The following NFKB1 variants were observed in gnomAD, a reference collection of about 807,000 sequenced individuals.
NFKB1 encodes nuclear factor kappa B subunit 1, also known as nuclear factor NF-kappa-B p105 subunit.
A neutral mutation model predicts 105.1 loss-of-function variants in NFKB1; 9 were observed. That is an observed-to-expected ratio of 0.09 (90% confidence interval 0.05 to 0.15). The LOEUF (loss-of-function observed/expected upper bound fraction) is 0.15, where lower values mean the gene tolerates loss of function less well. NFKB1 is among the 10% of genes least tolerant of loss of function. The pLI, the probability that NFKB1 is intolerant of heterozygous loss-of-function variation, is 1.00. For missense variants in NFKB1, 830 were observed against 1,203.7 expected, an observed-to-expected ratio of 0.69 and a Z score of 4.59; for synonymous variants, 440 against 442.2, an observed-to-expected ratio of 1.00 and a Z score of 0.06.
intron 5 of NFKB1, among the ~76,000 whole-genome samples, chr4:102,552,785 G>T (rs761978788): frequency 1.1e-4 from 17 of 151,994 alleles, no homozygotes; most frequent in Non-Finnish European, 5.9e-5. Flanking sequence ...TTTTTTTGCA[G>T]GTTTAAAGTA....
intron 1 of NFKB1, among the ~76,000 whole-genome samples, chr4:102,516,682 A>G (rs1325372860): frequency 6.6e-6 from 1 of 151,324 alleles, no homozygotes; most frequent in Non-Finnish European, 1.5e-5. Context: ...GCTATTAGCT[A>G]TTTTTGTCAT....
At chr4:102,502,353 C>T (rs1269400605) in intron 1 of NFKB1, among the ~76,000 whole-genome samples, 4 of 150,182 alleles carry the variant, frequency 2.7e-5, no homozygotes, top group Non-Finnish European at 5.9e-5. Context: ...GTCTCTCTCT[C>T]TCTCCCCCCT....
Position 102,564,495 on chromosome 4 carries a change from A to G in NFKB1, c.259-2492A>G, listed in dbSNP as rs1395160387. Among the ~76,000 whole-genome samples the G allele has an allele frequency of 2.0e-5, 3 of 152,220 alleles. No homozygotes were observed. The East Asian group carries it at 5.8e-4, about 29-fold the overall frequency. ...GTCTGTTGCCCTGTGGTCTCTGTGA[A>G]AACCAGATGATGCGATGCTGACTTG... On this transcript the variant is annotated intron_variant, in intron 5 of 23. Coordinates refer to ENST00000226574, the MANE Select transcript of NFKB1 (RefSeq NM_003998.4).
chr4:102,569,851 G>T (rs1724179309), intron 6 of NFKB1, among the ~76,000 whole-genome samples: 1 of 151,778 alleles, frequency 6.6e-6, no homozygotes, highest in Admixed American at 6.6e-5. Context: ...TGTAATGTAG[G>T]GGATTTGTCA....
chr4:102,522,070 T>C (rs1740609762), intron 1 of NFKB1, among the ~76,000 whole-genome samples: 1 of 152,140 alleles, frequency 6.6e-6, no homozygotes, highest in Non-Finnish European at 1.5e-5. Flanking sequence ...AAGCAAAGAA[T>C]TGAACAAGGG....
intron 21 of NFKB1, 24 bp downstream of exon 21, chr4:102,612,134 C>G (rs763924057): frequency 2.5e-6 from 4 of 1,594,460 alleles, no homozygotes; most frequent in African/African-American, 2.7e-5. Flanking sequence ...AAACCAGATT[C>G]TCTTAACCAT....
chr4:102,519,494 A>AT (rs34333104), intron 1 of NFKB1, among the ~76,000 whole-genome samples: 70 of 150,490 alleles, frequency 4.7e-4, no homozygotes, highest in Middle Eastern at 3.5e-3. Flanking sequence ...ACCAAAGAAA[A>AT]TTTTTTTTTA....
chr4:102,516,855 A>G (rs1740220604), intron 1 of NFKB1, among the ~76,000 whole-genome samples: 1 of 152,178 alleles, frequency 6.6e-6, no homozygotes, highest in Non-Finnish European at 1.5e-5. Flanking sequence ...TAGTTTTATT[A>G]AGATAGGTTT....
Position 102,531,992 on chromosome 4 carries a change from G to A in NFKB1, c.119-1853G>A, listed in dbSNP as rs142700740. 2.2e-3 allele frequency among the ~76,000 whole-genome samples: 328 copies of A among 152,200 alleles called. 1 individual carries two copies. Among genetic ancestry groups the A allele is most frequent in the African/African-American group, 7.6e-3 (316 of 41,540 alleles). Reference sequence around the variant, plus strand: ...TTTATAAGTGTTACATTGTCATACAGGCTGTATCTTAGTGTGAAAATATTT... The same window carrying A: ...TTTATAAGTGTTACATTGTCATACAAGCTGTATCTTAGTGTGAAAATATTT... On this transcript the variant is annotated intron_variant, in intron 3 of 23. Transcript: ENST00000226574.
chr4:102,531,104 T>C (rs1461942536), intron 3 of NFKB1, among the ~76,000 whole-genome samples: 1 of 152,188 alleles, frequency 6.6e-6, no homozygotes, highest in African/African-American at 2.4e-5. Context: ...AACTTGGTTC[T>C]GTCCACAGGA....
intron 8 of NFKB1, 99 bp downstream of exon 8, chr4:102,579,138 T>A: frequency 2.4e-6 from 3 of 1,258,792 alleles, no homozygotes; most frequent in Admixed American, 4.3e-5. Context: ...GGTAACTTAA[T>A]CACTTTAAGC....
intron 3 of NFKB1, 59 bp from the exon 4 acceptor site, chr4:102,533,786 A>T: frequency 7.0e-7 from 1 of 1,429,472 alleles, no homozygotes; most frequent in South Asian, 1.2e-5. Flanking sequence ...TACGTTTTAT[A>T]CCAAATTTGA....
intron 1 of NFKB1, among the ~76,000 whole-genome samples, chr4:102,523,833 T>C (rs1445677884): frequency 6.6e-6 from 1 of 152,106 alleles, no homozygotes; most frequent in African/African-American, 2.4e-5. Context: ...TATGCAAGAG[T>C]TCTGACATTG....
intron 16 of NFKB1, 132 bp from the exon 17 acceptor site, chr4:102,606,364 C>T: frequency 1.2e-6 from 1 of 853,218 alleles, no homozygotes; most frequent in Non-Finnish European, 1.9e-6. Flanking sequence ...GTGCCAAGGT[C>T]AGAAGTTAAT....
At chr4:102,616,279 C>T (rs1728932057) in intron 23 of NFKB1, among the ~76,000 whole-genome samples, 155 bp from the exon 24 acceptor site, 1 of 152,190 alleles carries the variant, frequency 6.6e-6, no homozygotes, top group Non-Finnish European at 1.5e-5. Flanking sequence ...TATCTTCTGC[C>T]CTTCCCACCA....
chr4:102,510,189 A>G (rs528039121), intron 1 of NFKB1, among the ~76,000 whole-genome samples: 3 of 152,130 alleles, frequency 2.0e-5, no homozygotes, highest in South Asian at 4.2e-4. Context: ...TCCCCTTTCC[A>G]TAAAGAGTTA....
chr4:102,574,031 A>C (rs1724601175), intron 6 of NFKB1, among the ~76,000 whole-genome samples: 1 of 148,480 alleles, frequency 6.7e-6, no homozygotes, highest in South Asian at 2.1e-4. Context: ...TTTTGTCCTA[A>C]TTATGAATTA....
At chr4:102,567,786 G>T (rs962518023) in intron 6 of NFKB1, among the ~76,000 whole-genome samples, 1 of 152,106 alleles carries the variant, frequency 6.6e-6, no homozygotes, top group Non-Finnish European at 1.5e-5. Context: ...CAATCCAAAA[G>T]AATTAAGCTT....
At chr4:102,517,549 A>G (rs535656286) in intron 1 of NFKB1, among the ~76,000 whole-genome samples, 2 of 152,346 alleles carry the variant, frequency 1.3e-5, no homozygotes, top group African/African-American at 2.4e-5. Flanking sequence ...AGGAACTTCT[A>G]TCCATTTGAG....
Sources: gnomAD v4.1 joint callset for allele counts (sites outside exome capture counted in the v4.1 genomes callset) on GRCh38, gnomAD v4.1.1 for gene constraint, MANE v1.5 for transcripts, NCBI Gene and HGNC (gene_info 2026-07-23, HGNC 2026-07-21) for gene names.